The following FRMD4B variants were observed in gnomAD, a reference collection of about 807,000 sequenced individuals.
FRMD4B encodes FERM domain-containing protein 4B.
Under a neutral mutation model 141.5 loss-of-function variants are expected in FRMD4B, and 74 were observed. The ratio of observed to expected loss-of-function variants is 0.52; its 90% CI spans 0.43 to 0.63. The LOEUF is 0.63. Among genes scored for constraint, FRMD4B ranks in the 30% least tolerant of loss-of-function variants. The probability of loss-of-function intolerance (pLI) is 0.00; values close to 1 mark genes in which losing one functional copy is unlikely to be tolerated. For missense variants in FRMD4B, 1,366 were observed against 1,253.4 expected (o/e 1.09, Z -1.36); for synonymous variants, 506 against 467.9 (o/e 1.08, Z -1.05).
chr3:69,413,141 C>T (rs1023905162), intron 2 of FRMD4B, among the ~76,000 whole-genome samples: 10 of 151,904 alleles, frequency 6.6e-5, no homozygotes, highest in East Asian at 1.9e-4. Flanking sequence ...GTTTGTTGAA[C>T]GACGGGATTA....
At chr3:69,490,530 G>A (rs1706285360) in intron 1 of FRMD4B, among the ~76,000 whole-genome samples, 1 of 152,154 alleles carries the variant, frequency 6.6e-6, no homozygotes, top group Admixed American at 6.5e-5. Flanking sequence ...TGCCTCTGCA[G>A]GACTGCCTCC....
chr3:69,470,416 G>C (rs1171120294), intron 1 of FRMD4B, among the ~76,000 whole-genome samples: 3 of 151,612 alleles, frequency 2.0e-5, no homozygotes, highest in Admixed American at 2.0e-4. Context: ...TACCAGTCCA[G>C]TTTTTTTTAA....
rs540343204 is a variant in FRMD4B, at chr3:69,231,880, G to A, written c.582-7190C>T. 2.6e-5 allele frequency among the ~76,000 whole-genome samples: 4 copies of A among 152,318 alleles called. No homozygotes were observed. In the South Asian group the frequency reaches 6.2e-4, roughly 24 times the overall value. On this transcript the variant is annotated intron_variant, in intron 7 of 22. Transcript: ENST00000398540. ...AGTTTAGGATCAAACGGGATTTCACGTTTGAGTGGACTGGCAGTAGCTGAG... is the reference window on the plus strand; with the variant it reads ...AGTTTAGGATCAAACGGGATTTCACATTTGAGTGGACTGGCAGTAGCTGAG...
At chr3:69,400,531 C>G (rs1490168072) in intron 2 of FRMD4B, among the ~76,000 whole-genome samples, 1 of 152,126 alleles carries the variant, frequency 6.6e-6, no homozygotes, top group Non-Finnish European at 1.5e-5. Context: ...TGGGTTAAAA[C>G]TAACTACTGG....
chr3:69,386,456 AC>A (rs1411434717), upstream of FRMD4B, among the ~76,000 whole-genome samples: 1 of 150,020 alleles, frequency 6.7e-6, no homozygotes, highest in Non-Finnish European at 1.5e-5. Context: ...ACAGACACAC[AC>A]CCCCCACACC....
intron 1 of FRMD4B, among the ~76,000 whole-genome samples, chr3:69,341,570 T>C (rs535363871): frequency 1.8e-4 from 27 of 152,314 alleles, no homozygotes; most frequent in African/African-American, 6.5e-4. Context: ...ACCACACTTC[T>C]GGCAGGCTCA....
chr3:69,187,954 G>A, intron 18 of FRMD4B, 37 bp from the exon 19 acceptor site: 7 of 1,180,656 alleles, frequency 5.9e-6, no homozygotes, highest in East Asian at 2.7e-5. Flanking sequence ...AAAATAAGTA[G>A]GCAAATTAAT....
chr3:69,404,726 A>T (rs1174068479), intron 2 of FRMD4B, among the ~76,000 whole-genome samples: 2 of 152,158 alleles, frequency 1.3e-5, no homozygotes, highest in African/African-American at 4.8e-5. Context: ...AAGCAAGTTC[A>T]TGTGAGCAGC....
At position 69,361,605 on chromosome 3, in the gene FRMD4B, T is replaced by C. The variant is rs148312084; in HGVS notation, c.162+24223A>G. Among the ~76,000 whole-genome samples, 366 of 152,346 alleles carry C rather than the reference T, an allele frequency of 2.4e-3. 1 individual carries two copies. Among genetic ancestry groups the C allele is most frequent in the African/African-American group, 8.3e-3 (343 of 41,572 alleles). On this transcript the variant is annotated intron_variant, in intron 1 of 22. Coordinates refer to ENST00000398540, the MANE Select transcript of FRMD4B (RefSeq NM_015123.3). Reference sequence around the variant, plus strand: ...TACAAATTGAATTATGGAGTATGTATTTTTTAATACCTGGCTTCTTTTACT... The same window carrying C: ...TACAAATTGAATTATGGAGTATGTACTTTTTAATACCTGGCTTCTTTTACT...
intron 7 of FRMD4B, among the ~76,000 whole-genome samples, 165 bp downstream of exon 7, chr3:69,249,061 T>G (rs938805893): frequency 6.6e-6 from 1 of 152,220 alleles, no homozygotes; most frequent in Non-Finnish European, 1.5e-5. Flanking sequence ...CCCTGATTCA[T>G]TCACAAAAAG....
chr3:69,318,745 G>A (rs940480503), intron 1 of FRMD4B, among the ~76,000 whole-genome samples: 2 of 152,172 alleles, frequency 1.3e-5, no homozygotes, highest in Admixed American at 6.5e-5. Flanking sequence ...ATAAATATTA[G>A]TTGATAATAT....
intron 2 of FRMD4B, among the ~76,000 whole-genome samples, chr3:69,430,092 A>C (rs563705347): frequency 1.3e-5 from 2 of 152,144 alleles, no homozygotes; most frequent in Non-Finnish European, 2.9e-5. Flanking sequence ...TCCAAGGCAG[A>C]GAATGGTATT....
chr3:69,495,608 T>C (rs1271874144), intron 1 of FRMD4B, among the ~76,000 whole-genome samples: 1 of 152,238 alleles, frequency 6.6e-6, no homozygotes, highest in Non-Finnish European at 1.5e-5. Context: ...ATCCCACCTC[T>C]GCCCCTTGAA....
At chr3:69,232,065 A>ACTCTG in intron 7 of FRMD4B, among the ~76,000 whole-genome samples, 1 of 152,156 alleles carries the variant, frequency 6.6e-6, no homozygotes, top group East Asian at 1.9e-4. Context: ...TCAACCTCAG[A>ACTCTG]GTTCAGAGGG....
intron 1 of FRMD4B, among the ~76,000 whole-genome samples, chr3:69,473,182 A>G (rs1705925341): frequency 6.6e-6 from 1 of 151,890 alleles, no homozygotes; most frequent in Non-Finnish European, 1.5e-5. Flanking sequence ...CAGAAGACCA[A>G]TTATTGGCAT....
Position 69,322,291 on chromosome 3 carries a change from C to T in FRMD4B, c.163-8774G>A, listed in dbSNP as rs564108528. Among the ~76,000 whole-genome samples the T allele has an allele frequency of 1.9e-3, 290 of 152,250 alleles. 3 individuals are homozygous for T. The highest frequency in any genetic ancestry group is 1.1e-3 in the Non-Finnish European group (78 of 68,030). On this transcript the variant is annotated intron_variant, in intron 1 of 22. Transcript: ENST00000398540. The stretch of plus-strand genomic sequence containing the variant: ...TGAACAGGGCCCCTTTATATCATCT[C>T]TGGGTGTTGACTGAATATGAGCTAT...
chr3:69,439,100 C>G (rs1705304784), intron 1 of FRMD4B, among the ~76,000 whole-genome samples: 2 of 151,852 alleles, frequency 1.3e-5, no homozygotes, highest in Non-Finnish European at 1.5e-5. Context: ...CAAACATATT[C>G]TATGATTTTG....
intron 1 of FRMD4B, among the ~76,000 whole-genome samples, chr3:69,495,904 C>T (rs1431581203): frequency 6.6e-6 from 1 of 152,102 alleles, no homozygotes; most frequent in African/African-American, 2.4e-5. Flanking sequence ...AACAGATTTC[C>T]CTAATTAAAA....
intron 1 of FRMD4B, among the ~76,000 whole-genome samples, chr3:69,470,185 T>C (rs1705864098): frequency 6.6e-6 from 1 of 152,206 alleles, no homozygotes; most frequent in African/African-American, 2.4e-5. Flanking sequence ...TGCAATTACA[T>C]TGAGAAGGCA....
Sources: allele counts gnomAD v4.1 joint callset (sites outside exome capture counted in the v4.1 genomes callset), GRCh38; gene constraint gnomAD v4.1.1; transcripts MANE v1.5; gene names NCBI Gene and HGNC (gene_info 2026-07-23, HGNC 2026-07-21).